STXBP5L: variants seen among roughly 807,000 people sequenced by gnomAD.
STXBP5L encodes the protein syntaxin binding protein 5L, also known as syntaxin-binding protein 5-like.
Under a neutral mutation model 144.5 loss-of-function variants are expected in STXBP5L, and 65 were observed. The observed-to-expected ratio is 0.45, with a 90% CI of 0.37 to 0.55. The LOEUF (loss-of-function observed/expected upper bound fraction) is 0.55. Among genes scored for constraint, STXBP5L ranks in the 20% least tolerant of loss-of-function variants. The probability of loss-of-function intolerance (pLI) is 0.00; values close to 1 mark genes in which losing one functional copy is unlikely to be tolerated. For missense variants in STXBP5L, 1,298 were observed against 1,405.5 expected, an observed-to-expected ratio of 0.92 and a Z score of 1.22; for synonymous variants, 505 against 469.6, an observed-to-expected ratio of 1.08 and a Z score of -0.97.
At chr3:120,931,569 T>C (rs902793223) in intron 2 of STXBP5L, among the ~76,000 whole-genome samples, 5 of 152,204 alleles carry the variant, frequency 3.3e-5, no homozygotes, top group African/African-American at 9.7e-5. Context: ...ATTTTTTCTT[T>C]TGTTAAAAAA....
chr3:121,140,444 C>T (rs962726314), intron 7 of STXBP5L, among the ~76,000 whole-genome samples: 11 of 152,056 alleles, frequency 7.2e-5, no homozygotes, highest in Non-Finnish European at 1.3e-4. Flanking sequence ...TTCCCATGTT[C>T]GTCACAACAT....
chr3:121,178,230 A>C (rs1417225219), intron 9 of STXBP5L, among the ~76,000 whole-genome samples: 1 of 152,212 alleles, frequency 6.6e-6, no homozygotes, highest in African/African-American at 2.4e-5. Context: ...ATGTGAATCT[A>C]CTTACTGCCA....
chr3:121,146,996 A>C (rs2045736677), intron 7 of STXBP5L, among the ~76,000 whole-genome samples: 1 of 152,124 alleles, frequency 6.6e-6, no homozygotes, highest in African/African-American at 2.4e-5. Context: ...ACTCAAATCT[A>C]CAATTGTAGT....
intron 20 of STXBP5L, among the ~76,000 whole-genome samples, chr3:121,347,842 T>C (rs1167202275): frequency 6.6e-6 from 1 of 152,214 alleles, no homozygotes; most frequent in Non-Finnish European, 1.5e-5. Flanking sequence ...GCTTATCAGC[T>C]TAAGGAGATT....
chr3:121,086,338 A>G (rs116230571), intron 5 of STXBP5L, among the ~76,000 whole-genome samples: 122 of 152,284 alleles, frequency 8.0e-4, no homozygotes, highest in African/African-American at 2.9e-3. Context: ...AAGGCATGAT[A>G]TTATCATGTT....
At chr3:120,999,038 A>G (rs1432395570) in intron 3 of STXBP5L, among the ~76,000 whole-genome samples, 1 of 151,976 alleles carries the variant, frequency 6.6e-6, no homozygotes, top group Admixed American at 6.6e-5. Flanking sequence ...AGATCTTCAT[A>G]TTGATTTCTG....
At chr3:121,243,002 T>G (rs2049719452) in intron 14 of STXBP5L, among the ~76,000 whole-genome samples, 1 of 152,076 alleles carries the variant, frequency 6.6e-6, no homozygotes, top group Non-Finnish European at 1.5e-5. Flanking sequence ...AAGCAGGGCG[T>G]TTCAGCCACA....
At chr3:121,265,530 A>G (rs1479425851) in intron 18 of STXBP5L, among the ~76,000 whole-genome samples, 1 of 152,222 alleles carries the variant, frequency 6.6e-6, no homozygotes, top group Non-Finnish European at 1.5e-5. Context: ...GAAAGATCTA[A>G]AATTGACACC....
At chr3:121,142,625 G>T (rs1001169424) in intron 7 of STXBP5L, among the ~76,000 whole-genome samples, 1 of 151,730 alleles carries the variant, frequency 6.6e-6, no homozygotes, top group Non-Finnish European at 1.5e-5. Flanking sequence ...TAAATATATA[G>T]AAATTAAACA....
chr3:121,004,879 C>G (rs148258130), intron 3 of STXBP5L, among the ~76,000 whole-genome samples: 47 of 152,246 alleles, frequency 3.1e-4, no homozygotes, highest in African/African-American at 4.8e-4. Flanking sequence ...GTTGAACCAG[C>G]CTTGCATCCC....
chr3:121,346,472 T>G (rs1310812542), intron 20 of STXBP5L, among the ~76,000 whole-genome samples: 3 of 152,162 alleles, frequency 2.0e-5, no homozygotes, highest in Admixed American at 2.0e-4. Flanking sequence ...TACCCAGTAA[T>G]GGGATGGCTG....
intron 2 of STXBP5L, among the ~76,000 whole-genome samples, chr3:120,913,649 T>G (rs1049487992): frequency 1.3e-5 from 2 of 152,088 alleles, no homozygotes; most frequent in African/African-American, 4.8e-5. Context: ...TGGACTTCTC[T>G]TCCATAAACC....
Position 121,184,753 on chromosome 3 carries a change from C to T in STXBP5L, c.878-21170C>T, listed in dbSNP as rs369973802. Among the ~76,000 whole-genome samples the T allele has an allele frequency of 1.2e-4, 19 of 152,184 alleles. No individual in the cohort carries two copies. The East Asian group carries it at 3.3e-3, about 26-fold the overall frequency. ...CTCCTCGAGAAAAGCAAACCCAAGA[C>T]ACACAATTGTCTGATTCGCCAAGGT... On this transcript the variant is annotated intron_variant, in intron 9 of 26. Transcript: ENST00000471454.
intron 5 of STXBP5L, among the ~76,000 whole-genome samples, chr3:121,090,980 C>G (rs1209026333): frequency 7.0e-6 from 1 of 142,790 alleles, no homozygotes; most frequent in Non-Finnish European, 1.5e-5. Context: ...TTCCTGTGTC[C>G]ATGTGTTCTC....
chr3:120,972,541 C>G (rs761370767), intron 3 of STXBP5L, among the ~76,000 whole-genome samples: 7 of 151,910 alleles, frequency 4.6e-5, no homozygotes, highest in Non-Finnish European at 8.8e-5. Flanking sequence ...TTTCTCTTTT[C>G]CAGTTTGCAT....
chr3:121,372,216 G>A (rs1377100486), intron 20 of STXBP5L, among the ~76,000 whole-genome samples: 4 of 152,162 alleles, frequency 2.6e-5, no homozygotes, highest in African/African-American at 9.7e-5. Flanking sequence ...GGCTTAGCCA[G>A]GCTGGGGGCC....
chr3:120,976,299 C>T (rs1406274785), intron 3 of STXBP5L, among the ~76,000 whole-genome samples: 1 of 152,128 alleles, frequency 6.6e-6, no homozygotes, highest in East Asian at 1.9e-4. Flanking sequence ...AGGAATTTAT[C>T]CATTTTTCCT....
In STXBP5L at chr3:121,421,789, A is replaced by G. The variant is rs2047358007; in HGVS notation, c.*2692A>G. On this transcript the variant is annotated 3_prime_UTR_variant, in exon 27 of 27. Transcript: ENST00000471454. Reference sequence around the variant, plus strand: ...TAGAAGTGCTTAAAACCTTGGCCTCAGTGAATAGATCAAAAGTTTATAATT... The same window carrying G: ...TAGAAGTGCTTAAAACCTTGGCCTCGGTGAATAGATCAAAAGTTTATAATT... The G allele has an allele frequency of 6.6e-6, 1 of 152,218 alleles. No homozygotes were observed. Among genetic ancestry groups the G allele is most frequent in the Non-Finnish European group, 1.5e-5 (1 of 68,040 alleles). 9.4% of individuals were successfully genotyped at this position (152,218 alleles called of 1,614,324 possible).
At chr3:121,395,883 G>A (rs367967507) in intron 22 of STXBP5L, among the ~76,000 whole-genome samples, 42 of 152,314 alleles carry the variant, frequency 2.8e-4, no homozygotes, top group African/African-American at 9.6e-4. Flanking sequence ...CCTCCTCAGC[G>A]TCAGTCTCGA....
Sources: gnomAD v4.1 joint callset for allele counts (sites outside exome capture counted in the v4.1 genomes callset) on GRCh38, gnomAD v4.1.1 for gene constraint, MANE v1.5 for transcripts, NCBI Gene and HGNC (gene_info 2026-07-23, HGNC 2026-07-21) for gene names.